The following FLRT1 variants were observed in gnomAD, a reference collection of about 807,000 sequenced individuals.
The protein encoded by FLRT1 is fibronectin leucine rich transmembrane protein 1.
Under a neutral mutation model 30.9 loss-of-function variants are expected in FLRT1, and 14 were observed. That is an observed-to-expected ratio of 0.45 (90% CI 0.30 to 0.71). FLRT1 has a LOEUF of 0.71. FLRT1 is among the 30% of genes least tolerant of loss of function. FLRT1 has a pLI of 0.08. For synonymous variants in FLRT1, 368 were observed against 430.4 expected (o/e 0.85, Z 1.80); for missense variants, 737 against 949.2 (o/e 0.78, Z 2.94).
intron 1 of FLRT1, among the ~76,000 whole-genome samples, chr11:64,095,883 A>G (rs1237649665): frequency 6.6e-6 from 1 of 152,206 alleles, no homozygotes; most frequent in Non-Finnish European, 1.5e-5. Flanking sequence ...GGGAAGGGGC[A>G]GCCGAGGGAG....
At chr11:64,073,702 G>A (rs545397193) in intron 1 of FLRT1, among the ~76,000 whole-genome samples, 5 of 152,218 alleles carry the variant, frequency 3.3e-5, no homozygotes, top group African/African-American at 4.8e-5. Context: ...GTGTGCGTGC[G>A]CGTGGGTTCT....
intron 1 of FLRT1, among the ~76,000 whole-genome samples, chr11:64,056,255 T>C (rs537250423): frequency 6.6e-6 from 1 of 152,190 alleles, no homozygotes; most frequent in Non-Finnish European, 1.5e-5. Flanking sequence ...TGGGAGAGGC[T>C]GAGGGAGCTA....
chr11:64,078,543 T>C (rs545687519), intron 1 of FLRT1, among the ~76,000 whole-genome samples: 3 of 152,300 alleles, frequency 2.0e-5, no homozygotes, highest in Admixed American at 6.5e-5. Flanking sequence ...GGGAGCTGTC[T>C]GGGTGGGCAG....
chr11:64,090,205 G>A lies in FLRT1; in HGVS notation c.-1037-12989G>A, dbSNP rs538667658. Reference sequence around the variant, plus strand: ...AGGCCCCGAACAGCCTGAGTCCACAGGGTGACAGGGTGTGGGAAAGGCCAA... The same window carrying A: ...AGGCCCCGAACAGCCTGAGTCCACAAGGTGACAGGGTGTGGGAAAGGCCAA... On this transcript the variant is annotated intron_variant, in intron 1 of 2. Transcript: ENST00000682287. This position sits in a 1 kb window ranked among gnomAD's most constrained non-coding sequence, Gnocchi z 4.7. 3.3e-5 allele frequency among the ~76,000 whole-genome samples: 5 copies of A among 152,314 alleles called. No individual in the cohort carries two copies. The highest frequency in any genetic ancestry group is 5.9e-5 in the Non-Finnish European group (4 of 68,030).
chr11:64,118,257 G>A lies in FLRT1; in HGVS notation c.1990G>A (p.Gly664Ser), dbSNP rs780458547. ...GYGTTRGYRD[G>S]GIPDIDYSYT Reference sequence around the variant, plus strand: ...CGGCACCACGCGGGGCTACCGGGACGGCGGCATCCCCGACATAGACTACTC... The same window carrying A: ...CGGCACCACGCGGGGCTACCGGGACAGCGGCATCCCCGACATAGACTACTC... The change falls in exon 3 of 3, where the codon GGC (glycine) becomes AGC (serine). Residue 664 changes from glycine (G) to serine (S), a missense_variant. Transcript: ENST00000682287. 9 of 1,598,306 alleles carry A rather than the reference G, an allele frequency of 5.6e-6. No individual in the cohort carries two copies. The highest frequency in any genetic ancestry group is 2.2e-5 in the South Asian group (2 of 89,676).
Position 64,116,471 on chromosome 11 carries a change from C to T in FLRT1, c.204C>T (p.Asn68=), listed in dbSNP as rs778640922. ...CRCDNGFIYC[N]DRGLTSIPAD... ...GCGACAACGGCTTCATCTACTGCAACGACCGGGGACTCACATCCATCCCCG... is the reference window on the plus strand; with the variant it reads ...GCGACAACGGCTTCATCTACTGCAATGACCGGGGACTCACATCCATCCCCG... Residue 68 remains asparagine, a synonymous_variant, in exon 3 of 3, where the codon AAC becomes AAT. Transcript: ENST00000682287. The T allele has an allele frequency of 1.2e-5, 19 of 1,613,980 alleles. No individual in the cohort carries two copies. Among genetic ancestry groups the T allele is most frequent in the Middle Eastern group, 1.6e-4 (1 of 6,084 alleles).
Position 64,036,559 on chromosome 11 carries a change from A to T in FLRT1, c.-1038+400A>T, listed in dbSNP as rs1011277076. Among the ~76,000 whole-genome samples, 9 of 152,054 alleles carry T rather than the reference A, an allele frequency of 5.9e-5. No individual in the cohort carries two copies. The highest frequency in any genetic ancestry group is 2.2e-4 in the African/African-American group (9 of 41,412). On this transcript the variant is annotated intron_variant, in intron 1 of 2. Transcript: ENST00000682287. The surrounding 1 kb of genome is among the most constrained non-coding windows in gnomAD (Gnocchi z 5.6). ...GTGGGTCCCAGCTCCCGCACTCGGG[A>T]ACCGGAGGAGGGCGCGCGGCCAGGG...
rs748392464 is a variant in FLRT1 at position 64,117,389 on chromosome 11, G to C, written c.1122G>C (p.Glu374Asp). 274 of 1,612,326 alleles carry C rather than the reference G, an allele frequency of 1.7e-4. 2 individuals are homozygous for C. The Admixed American group carries it at 4.4e-3, about 26-fold the overall frequency. The change falls in exon 3 of 3, where the codon GAG (glutamate) becomes GAC (aspartate). Residue 374 changes from glutamate (E) to aspartate (D), a missense_variant. Transcript: ENST00000682287. ...TGGCCATCAAGGACATTACCAGCGA[G>C]ATGGACGAGTGTTTTGAGACGGGGC... Reference protein sequence around the residue: ...RGMAIKDITSEMDECFETGPQ... With the variant: ...RGMAIKDITSDMDECFETGPQ...
At chr11:64,110,312 T>G (rs1944838365) in intron 2 of FLRT1, among the ~76,000 whole-genome samples, 1 of 151,526 alleles carries the variant, frequency 6.6e-6, no homozygotes, top group Admixed American at 6.6e-5. Context: ...TAGCTGGGTG[T>G]GGTGGTGCAG....
chr11:64,073,807 C>T (rs575235920), intron 1 of FLRT1, among the ~76,000 whole-genome samples: 2 of 152,302 alleles, frequency 1.3e-5, no homozygotes, highest in Non-Finnish European at 2.9e-5. Flanking sequence ...CCGCATCCAG[C>T]CCTGTGTTGG....
In FLRT1 at chr11:64,116,616, G is replaced by C; in HGVS notation, c.349G>C (p.Asp117His). ...GCAGGTCATCTACCTATACGAGAAT[G>C]ACCTGGATGAGTTCCCCATCAACCT... is the stretch of plus-strand genomic sequence containing the variant. Reference protein sequence around the residue: ...NVQVIYLYENDLDEFPINLPR... With the variant: ...NVQVIYLYENHLDEFPINLPR... Residue 117 changes from aspartate (D) to histidine (H), a missense_variant, in exon 3 of 3, where the codon GAC becomes CAC. By Grantham distance (81) the Asp-to-His change is moderately conservative. Transcript: ENST00000682287. 6.2e-7 allele frequency: 1 copy of C among 1,614,158 alleles called. No homozygotes were observed. The highest frequency in any genetic ancestry group is 8.5e-7 in the Non-Finnish European group (1 of 1,180,042).
At chr11:64,072,917 T>G (rs1944135169) in intron 1 of FLRT1, among the ~76,000 whole-genome samples, 1 of 152,044 alleles carries the variant, frequency 6.6e-6, no homozygotes, top group Admixed American at 6.6e-5. Flanking sequence ...AAGAGTCAGG[T>G]TCTCAAGGTG....
At position 64,058,362 on chromosome 11, in the gene FLRT1, C is replaced by T. The variant is rs529054732; in HGVS notation, c.-1038+22203C>T. On this transcript the variant is annotated intron_variant, in intron 1 of 2. Coordinates refer to ENST00000682287, the MANE Select transcript of FLRT1 (RefSeq NM_013280.5). ...TGACGCTTAGAGGAGGCAGCCCAGGCAGGGCTTAGTCTGGACAGTCACCTG... is the reference window on the plus strand; with the variant it reads ...TGACGCTTAGAGGAGGCAGCCCAGGTAGGGCTTAGTCTGGACAGTCACCTG... Among the ~76,000 whole-genome samples, 30 of 152,362 alleles carry T rather than the reference C, an allele frequency of 2.0e-4. No individual in the cohort carries two copies. The East Asian group carries it at 5.4e-3, about 27-fold the overall frequency.
intron 2 of FLRT1, among the ~76,000 whole-genome samples, chr11:64,106,263 C>T (rs1944762189): frequency 6.6e-6 from 1 of 152,076 alleles, no homozygotes; most frequent in Non-Finnish European, 1.5e-5. Context: ...CCTCTTTGGG[C>T]TGCTGTGGTG....
In FLRT1 at chr11:64,041,199, TAAAAAAAAAAA is replaced by T. The variant is rs71045724; in HGVS notation, c.-1038+5060_-1038+5070del. ...AGATTACAACAGATTTAGCAAACTG[TAAAAAAAAAAA>T]AAAAAAAAAAAAAAAAAAAGCATGA... On this transcript the variant is annotated intron_variant, in intron 1 of 2. Transcript: ENST00000682287. Among the ~76,000 whole-genome samples, 32 of 21,604 alleles carry T rather than the reference TAAAAAAAAAAA, an allele frequency of 1.5e-3. No homozygotes were observed. In the South Asian group the frequency reaches 0.055, roughly 37 times the overall value. 14.2% of individuals were successfully genotyped at this position (21,604 alleles called of 152,430 possible).
intron 2 of FLRT1, among the ~76,000 whole-genome samples, chr11:64,105,043 C>T (rs915300159): frequency 1.3e-5 from 2 of 152,264 alleles, no homozygotes; most frequent in East Asian, 3.8e-4. Context: ...TGCACCAGGG[C>T]CTGGGACATT....
intron 1 of FLRT1, among the ~76,000 whole-genome samples, chr11:64,102,059 T>C (rs641430): frequency 0.47 from 71,014 of 151,990 alleles, 17,390 homozygotes; most frequent in African/African-American, 0.61. Context: ...TAACGGCCTC[T>C]GACAACAAGC....
intron 2 of FLRT1, among the ~76,000 whole-genome samples, chr11:64,109,550 G>A (rs2134587391): frequency 6.6e-6 from 1 of 152,310 alleles, no homozygotes; most frequent in South Asian, 2.1e-4. Context: ...AGGGGTGGGA[G>A]TGAGTGTGGC....
chr11:64,092,804 G>C (rs1162295005), intron 1 of FLRT1, among the ~76,000 whole-genome samples: 2 of 152,246 alleles, frequency 1.3e-5, no homozygotes, highest in Non-Finnish European at 2.9e-5. Context: ...ATCTCCCCAA[G>C]CATGGTTTGA....
Sources: allele counts gnomAD v4.1 joint callset (sites outside exome capture counted in the v4.1 genomes callset), GRCh38; gene constraint gnomAD v4.1.1; non-coding constraint Gnocchi (gnomAD v3.1); transcripts MANE v1.5; gene names NCBI Gene and HGNC (gene_info 2026-07-23, HGNC 2026-07-21).